The following ZNF782 variants were observed in gnomAD, a reference collection of about 807,000 sequenced individuals.
ZNF782 encodes the protein zinc finger protein 782.
A neutral mutation model predicts 13.0 loss-of-function variants in ZNF782; 12 were observed. The observed-to-expected ratio is 0.92, with a 90% CI of 0.59 to 1.50. The LOEUF is 1.50. ZNF782 is among the 40% of genes most tolerant of loss of function. The pLI is 0.00. For synonymous variants in ZNF782, 284 were observed against 283.0 expected, an observed-to-expected ratio of 1.00 and a Z score of -0.04; for missense variants, 770 against 822.9, an observed-to-expected ratio of 0.94 and a Z score of 0.79.
the ZNF782 span, among the ~76,000 whole-genome samples, chr9:96,897,282 G>A: frequency 6.6e-6 from 1 of 152,176 alleles, no homozygotes; most frequent in Non-Finnish European, 1.5e-5. Context: ...ACCCTGTCCA[G>A]GTGACTCCTG....
At chr9:96,877,751 C>T (rs1020131789), upstream of ZNF782, among the ~76,000 whole-genome samples, 2 of 152,190 alleles carry the variant, frequency 1.3e-5, no homozygotes, top group Non-Finnish European at 2.9e-5. Flanking sequence ...GGATGTGCCT[C>T]TTCATCAGAC....
chr9:96,821,426 T>C (rs935475462), intron 5 of ZNF782, among the ~76,000 whole-genome samples: 1 of 152,338 alleles, frequency 6.6e-6, no homozygotes, highest in African/African-American at 2.4e-5. Context: ...TACACACACA[T>C]ACAAAAGGCT....
At chr9:96,929,123 C>T in the ZNF782 span, 2 of 1,597,938 alleles carry the variant, frequency 1.3e-6, no homozygotes, top group Non-Finnish European at 8.6e-7. Context: ...TCCCTGGGGA[C>T]AGCTTATAGG....
chr9:96,879,710 G>C (rs2118907005), upstream of ZNF782, among the ~76,000 whole-genome samples: 1 of 152,252 alleles, frequency 6.6e-6, no homozygotes, highest in East Asian at 1.9e-4. Context: ...TTAAAAAGAG[G>C]AACATTGTTA....
upstream of ZNF782, among the ~76,000 whole-genome samples, chr9:96,879,733 T>C (rs1396582629): frequency 1.3e-5 from 2 of 152,236 alleles, no homozygotes; most frequent in Non-Finnish European, 2.9e-5. Context: ...TTTGTTTCGC[T>C]CTTTTGGAGC....
At position 96,818,329 on chromosome 9, in the gene ZNF782, T is replaced by C. The variant is rs769968728; in HGVS notation, c.1694A>G (p.Asn565Ser). 6.2e-7 allele frequency: 1 copy of C among 1,614,214 alleles called. No individual in the cohort carries two copies. The highest frequency in any genetic ancestry group is 8.5e-7 in the Non-Finnish European group (1 of 1,180,024). The change falls in exon 6 of 6, where the codon AAT (asparagine) becomes AGT (serine). Residue 565 changes from asparagine to serine, a missense_variant. Asn to Ser is a conservative substitution (Grantham distance 46). Transcript: ENST00000481138. ...CTGACTGAAAGCTTCCCCACAATGA[T>C]TACATTTATAGGGTTTTTCCCCTGT... ...IHTGEKPYKC[N>S]HCGEAFSQKS...
At chr9:96,921,037 A>C in the ZNF782 span, among the ~76,000 whole-genome samples, 6,457 of 146,700 alleles carry the variant, frequency 0.044, 268 homozygotes, top group African/African-American at 0.15. Context: ...GTATAATGTG[A>C]AAGTTTTAAG....
At chr9:96,912,238 C>G in the ZNF782 span, among the ~76,000 whole-genome samples, 1 of 145,176 alleles carries the variant, frequency 6.9e-6, no homozygotes, top group Non-Finnish European at 1.5e-5. Context: ...AAAAAACAGG[C>G]CAGGCGCAGT....
chr9:96,843,731 A>C (rs1338382439), intron 4 of ZNF782, among the ~76,000 whole-genome samples: 3 of 152,218 alleles, frequency 2.0e-5, no homozygotes, highest in Non-Finnish European at 4.4e-5. Flanking sequence ...GGGTAAGCTA[A>C]AGTGAGGACA....
At chr9:96,931,982 A>T in the ZNF782 span, 1 of 1,611,408 alleles carries the variant, frequency 6.2e-7, no homozygotes, top group Admixed American at 1.7e-5. Flanking sequence ...GGGGCCTGTG[A>T]AGCCCCCTCA....
the ZNF782 span, chr9:96,892,188 T>G: frequency 6.6e-6 from 1 of 152,186 alleles, no homozygotes; most frequent in Non-Finnish European, 1.5e-5. Context: ...CCATCCCTTT[T>G]TTAGTTCTTA....
At chr9:96,874,543 G>T (rs1410191) in intron 1 of ZNF782, among the ~76,000 whole-genome samples, 1 of 152,156 alleles carries the variant, frequency 6.6e-6, no homozygotes, top group Non-Finnish European at 1.5e-5. Flanking sequence ...CTCAAAGCTG[G>T]TCCAGGCATT....
At chr9:96,927,870 C>T in the ZNF782 span, among the ~76,000 whole-genome samples, 1 of 149,918 alleles carries the variant, frequency 6.7e-6, no homozygotes, top group Non-Finnish European at 1.5e-5. Flanking sequence ...AATTTACCTA[C>T]AGAAATAAAG....
chr9:96,875,871 G>A (rs1252146606), upstream of ZNF782, among the ~76,000 whole-genome samples: 2 of 152,372 alleles, frequency 1.3e-5, no homozygotes, highest in South Asian at 2.1e-4. Context: ...TAGGCGTGAA[G>A]CAGCGAGCTA....
At position 96,817,719 on chromosome 9, in the gene ZNF782, A is replaced by C. The variant is rs1269056963; in HGVS notation, c.*204T>G. ...TGTGTGAGTTCTGTATATCCATAGA[A>C]GACTGGGCTCTGGCTGAAAGAATGC... On this transcript the variant is annotated 3_prime_UTR_variant, in exon 6 of 6. Transcript: ENST00000481138. 3.2e-5 allele frequency: 16 copies of C among 492,392 alleles called. No homozygotes were observed. The East Asian group carries it at 5.1e-4, about 16-fold the overall frequency. The allele number at this position is 492,392 out of a possible 1,614,324, so 30.5% of individuals were successfully genotyped here.
intron 1 of ZNF782, among the ~76,000 whole-genome samples, chr9:96,875,300 T>C (rs115534688): frequency 0.01 from 1,528 of 152,326 alleles, 21 homozygotes; most frequent in African/African-American, 0.034. Context: ...CTAAATACAA[T>C]AGCAGCTGTC....
chr9:96,818,760 T>A lies in ZNF782; in HGVS notation c.1263A>T (p.Pro421=), dbSNP rs1850283753. 6.2e-7 allele frequency: 1 copy of A among 1,613,924 alleles called. No homozygotes were observed. ...KHQRTHTGEK[P]YKCDGCDKAF... The stretch of plus-strand genomic sequence containing the variant: ...CTTTATCACATCCATCACATTTGTA[T>A]GGTTTCTCTCCCGTGTGAGTTCTCT... Residue 421 remains proline, a synonymous_variant, in exon 6 of 6, where the codon CCA becomes CCT. Transcript: ENST00000481138.
the ZNF782 span, chr9:96,891,352 T>C: frequency 6.6e-6 from 1 of 152,206 alleles, no homozygotes. Context: ...TTAAATACTT[T>C]AGCATGCGTA....
chr9:96,911,438 C>CAAA, the ZNF782 span, among the ~76,000 whole-genome samples: 173 of 28,216 alleles, frequency 6.1e-3, 4 homozygotes, highest in African/African-American at 0.024. Flanking sequence ...GACTCTGTCT[C>CAAA]AAAAAAAAAA....
Sources: allele counts gnomAD v4.1 joint callset (sites outside exome capture counted in the v4.1 genomes callset), GRCh38; gene constraint gnomAD v4.1.1; transcripts MANE v1.5; gene names NCBI Gene and HGNC (gene_info 2026-07-23, HGNC 2026-07-21).